Variants in CMIP observed in about 807,000 individuals in gnomAD.
CMIP encodes C-Maf-inducing protein.
Under a neutral mutation model 97.3 loss-of-function variants are expected in CMIP, and 13 were observed. That is an observed-to-expected ratio of 0.13 (90% CI 0.09 to 0.21). The LOEUF is 0.21. Among genes scored for constraint, CMIP ranks in the 10% least tolerant of loss-of-function variants. The pLI, the probability that CMIP is intolerant of heterozygous loss-of-function variation, is 1.00. For missense variants in CMIP, 847 were observed against 1,024.9 expected (o/e 0.83, Z 2.37); for synonymous variants, 538 against 436.3 (o/e 1.23, Z -2.91).
chr16:81,594,645 G>T (rs1441494836), intron 1 of CMIP, among the ~76,000 whole-genome samples: 1 of 151,886 alleles, frequency 6.6e-6, no homozygotes, highest in Non-Finnish European at 1.5e-5. Flanking sequence ...ACGGAGTCTC[G>T]CTCTGTTCCC....
At chr16:81,450,519 C>G (rs931753442) in intron 1 of CMIP, among the ~76,000 whole-genome samples, 1 of 152,158 alleles carries the variant, frequency 6.6e-6, no homozygotes, top group African/African-American at 2.4e-5. Context: ...AGTCAGCATA[C>G]AGTGACCAGG....
At chr16:81,544,427 A>AGT (rs149240354) in intron 1 of CMIP, among the ~76,000 whole-genome samples, 48,839 of 150,928 alleles carry the variant, frequency 0.32, 8,999 homozygotes, top group African/African-American at 0.52. Context: ...TCAGGGGGTA[A>AGT]GTGTGTGTGT....
At chr16:81,523,331 T>G (rs2090065458) in intron 1 of CMIP, among the ~76,000 whole-genome samples, 1 of 152,256 alleles carries the variant, frequency 6.6e-6, no homozygotes, top group Non-Finnish European at 1.5e-5. Flanking sequence ...TCATTTCTTT[T>G]GATTACTGTG....
intron 1 of CMIP, chr16:81,476,181 G>C (rs1234694527): frequency 8.1e-7 from 1 of 1,242,154 alleles, no homozygotes; most frequent in Non-Finnish European, 1.2e-6. Context: ...CAGTGCGTGT[G>C]GAAAACTGGG....
chr16:81,644,496 AC>A (rs1467229091), intron 3 of CMIP, among the ~76,000 whole-genome samples: 1 of 152,134 alleles, frequency 6.6e-6, no homozygotes, highest in East Asian at 1.9e-4. Context: ...TGGGGGTAAC[AC>A]CCATGGGACA....
chr16:81,621,043 G>C lies in CMIP; in HGVS notation c.477+117G>C, dbSNP rs537896249. Reference sequence around the variant, plus strand: ...GAACTCATGCCTTCCAGATGGCTCAGCTGAGGAACTTTGTTCCCCTACCTA... The same window carrying C: ...GAACTCATGCCTTCCAGATGGCTCACCTGAGGAACTTTGTTCCCCTACCTA... On this transcript the variant is annotated intron_variant, in intron 3 of 20. Coordinates refer to ENST00000537098, the MANE Select transcript of CMIP (RefSeq NM_198390.3). The surrounding 1 kb of genome is among the most constrained non-coding windows in gnomAD (Gnocchi z 4.1). The C allele has an allele frequency of 2.7e-4, 349 of 1,302,612 alleles. 4 individuals carry two copies. The East Asian group carries it at 4.4e-3, about 17-fold the overall frequency. The allele number at this position is 1,302,612 out of a possible 1,614,324, so 80.7% of individuals were successfully genotyped here.
chr16:81,531,227 C>T (rs755465175), intron 1 of CMIP, among the ~76,000 whole-genome samples: 4 of 152,004 alleles, frequency 2.6e-5, no homozygotes, highest in Non-Finnish European at 5.9e-5. Flanking sequence ...GGACGAGCAC[C>T]GTGTGACAGC....
chr16:81,517,566 C>A (rs2089941070), intron 1 of CMIP, among the ~76,000 whole-genome samples: 1 of 152,198 alleles, frequency 6.6e-6, no homozygotes, highest in South Asian at 2.1e-4. Flanking sequence ...GATTTTGTTG[C>A]TTTTCACACT....
At chr16:81,456,066 G>A (rs964055590) in intron 1 of CMIP, among the ~76,000 whole-genome samples, 4 of 152,186 alleles carry the variant, frequency 2.6e-5, no homozygotes, top group Non-Finnish European at 2.9e-5. Flanking sequence ...TCTGTTTGTC[G>A]CCCTGGTTGG....
At chr16:81,704,703 C>CCCTCCTCCCTACCCCTTCAT (rs1266012693) in intron 18 of CMIP, among the ~76,000 whole-genome samples, 1 of 119,392 alleles carries the variant, frequency 8.4e-6, no homozygotes, top group African/African-American at 3.4e-5. Flanking sequence ...GCCCCCGTCA[C>CCCTCCTCCCTACCCCTTCAT]CCTCCTCCCT....
chr16:81,677,109 G>A (rs1016768075), intron 9 of CMIP, among the ~76,000 whole-genome samples: 7 of 152,222 alleles, frequency 4.6e-5, no homozygotes, highest in East Asian at 1.9e-4. Flanking sequence ...CTGGTGTCCC[G>A]CCAGGGGTGG....
intron 1 of CMIP, among the ~76,000 whole-genome samples, chr16:81,497,879 C>T (rs752792404): frequency 1.8e-4 from 27 of 152,250 alleles, no homozygotes; most frequent in Non-Finnish European, 3.5e-4. Flanking sequence ...CCTGGGTCCC[C>T]TGCAGGCCAC....
intron 3 of CMIP, among the ~76,000 whole-genome samples, chr16:81,640,737 C>CGTGTGTGTGTGTGTGTGTGTGT (rs1567627570): frequency 7.9e-5 from 6 of 76,044 alleles, no homozygotes; most frequent in African/African-American, 2.4e-4. Context: ...CTCTCTGGAG[C>CGTGTGTGTGTGTGTGTGTGTGT]ATGTGTGTGT....
intron 1 of CMIP, among the ~76,000 whole-genome samples, chr16:81,515,654 C>T (rs1453704582): frequency 6.6e-6 from 1 of 152,176 alleles, no homozygotes; most frequent in East Asian, 1.9e-4. Flanking sequence ...AAATGTGTAT[C>T]CTGCACCAGG....
intron 1 of CMIP, among the ~76,000 whole-genome samples, chr16:81,494,316 T>C (rs1185086384): frequency 6.6e-6 from 1 of 152,198 alleles, no homozygotes; most frequent in African/African-American, 2.4e-5. Context: ...CTGCAGGTGT[T>C]TCCAGGCATG....
intron 2 of CMIP, among the ~76,000 whole-genome samples, chr16:81,615,404 TG>T (rs1376355718): frequency 2.2e-5 from 3 of 138,964 alleles, no homozygotes; most frequent in Admixed American, 7.4e-5. Context: ...GTGTGGTGTA[TG>T]GTGTGTGTGT....
At chr16:81,702,980 AGTTT>A (rs909872016) in intron 17 of CMIP, among the ~76,000 whole-genome samples, 2 of 152,138 alleles carry the variant, frequency 1.3e-5, no homozygotes, top group Non-Finnish European at 2.9e-5. Flanking sequence ...CTCTTCTATT[AGTTT>A]GTTTTATCCT....
At chr16:81,526,036 A>G (rs2090127811) in intron 1 of CMIP, among the ~76,000 whole-genome samples, 1 of 151,104 alleles carries the variant, frequency 6.6e-6, no homozygotes, top group Non-Finnish European at 1.5e-5. Context: ...TCGTCCATTC[A>G]GTTTGTCCGT....
chr16:81,650,060 C>T (rs1164712583), intron 3 of CMIP, among the ~76,000 whole-genome samples: 1 of 152,196 alleles, frequency 6.6e-6, no homozygotes, highest in African/African-American at 2.4e-5. Flanking sequence ...CCAGAGACGC[C>T]TCAGTGGACT....
Sources: gnomAD v4.1 joint callset for allele counts (sites outside exome capture counted in the v4.1 genomes callset) on GRCh38, gnomAD v4.1.1 for gene constraint, Gnocchi (gnomAD v3.1) non-coding constraint, MANE v1.5 for transcripts, NCBI Gene and HGNC (gene_info 2026-07-23, HGNC 2026-07-21) for gene names.